AK9: variants seen among roughly 807,000 people sequenced by gnomAD.
AK9 encodes adenylate kinase 9.
A neutral mutation model predicts 239.6 loss-of-function variants in AK9; 191 were observed. That is an observed-to-expected ratio of 0.80 (90% CI 0.71 to 0.90). The LOEUF (loss-of-function observed/expected upper bound fraction) is 0.90. Ranked by LOEUF, AK9 falls within the 40% of genes least tolerant of loss-of-function variation. The pLI, the probability that AK9 is intolerant of heterozygous loss-of-function variation, is 0.00. For synonymous variants in AK9, 689 were observed against 721.0 expected (o/e 0.96, Z 0.71); for missense variants, 1,995 against 2,214.7 (o/e 0.90, Z 1.99).
At chr6:109,528,405 A>G (rs1780783811) in intron 29 of AK9, 1 of 375,302 alleles carries the variant, frequency 2.7e-6, no homozygotes, top group Non-Finnish European at 5.3e-6. Context: ...TGTCAGACAC[A>G]AAGCTCAATT....
chr6:109,537,836 T>G (rs1428907188), intron 27 of AK9, among the ~76,000 whole-genome samples: 2 of 152,120 alleles, frequency 1.3e-5, no homozygotes, highest in African/African-American at 4.8e-5. Flanking sequence ...AAGAACATCT[T>G]TATTTCTGCT....
At chr6:109,673,988 A>G (rs1230039087) in intron 3 of AK9, among the ~76,000 whole-genome samples, 2 of 151,692 alleles carry the variant, frequency 1.3e-5, no homozygotes, top group Non-Finnish European at 2.9e-5. Context: ...AAAAATAATA[A>G]TTAATTAAAT....
intron 8 of AK9, among the ~76,000 whole-genome samples, chr6:109,650,237 A>G (rs76748245): frequency 0.58 from 87,123 of 150,224 alleles, 26,963 homozygotes; most frequent in South Asian, 0.84. Context: ...TGACAAATGG[A>G]ATCTAATTAA....
At chr6:109,510,878 G>C (rs575471834) in intron 32 of AK9, among the ~76,000 whole-genome samples, 236 of 152,202 alleles carry the variant, frequency 1.6e-3, no homozygotes, top group Non-Finnish European at 2.7e-3. Flanking sequence ...AAATTTATCA[G>C]TTCACCTTAG....
chr6:109,518,937 T>C (rs957340845), intron 29 of AK9, among the ~76,000 whole-genome samples: 5 of 152,102 alleles, frequency 3.3e-5, no homozygotes, highest in Admixed American at 6.6e-5. Flanking sequence ...TAGTACTCAA[T>C]AGTTATTTTT....
chr6:109,533,530 T>C, intron 27 of AK9, 60 bp from the exon 28 acceptor site: 1 of 1,346,628 alleles, frequency 7.4e-7, no homozygotes, highest in South Asian at 1.5e-5. Flanking sequence ...GATGTGTTCA[T>C]TAATTTGACT....
In AK9 at chr6:109,672,159, T is replaced by C. The variant is rs1771014686; in HGVS notation, c.190A>G (p.Ile64Val). 1.9e-6 allele frequency: 3 copies of C among 1,612,362 alleles called. No individual in the cohort carries two copies. The highest frequency in any genetic ancestry group is 1.3e-5 in the African/African-American group (1 of 74,998). Residue 64 changes from isoleucine to valine, a missense_variant, in exon 4 of 41, where the codon ATT (isoleucine) becomes GTT (valine). This residue lies in a region of AK9 where 252 missense variants were observed against 246.4 expected (regional missense o/e 1.02). Transcript: ENST00000424296. Reference sequence around the variant, plus strand: ...TCAGCAGCAATCTGTTCTTCTAAAATTGGCAAAGCTAAAACATGAATTCAA... The same window carrying C: ...TCAGCAGCAATCTGTTCTTCTAAAACTGGCAAAGCTAAAACATGAATTCAA... The part of the protein sequence containing the change: ...WKCIRVEALP[I>V]LEEQIAAETE...
chr6:109,574,110 G>A (rs1787771288), intron 20 of AK9, among the ~76,000 whole-genome samples: 1 of 152,022 alleles, frequency 6.6e-6, no homozygotes, highest in East Asian at 1.9e-4. Flanking sequence ...TGTTTCTAAT[G>A]GGTAGCACCA....
At chr6:109,526,580 T>C (rs1582842582) in intron 29 of AK9, among the ~76,000 whole-genome samples, 1 of 152,062 alleles carries the variant, frequency 6.6e-6, no homozygotes, top group South Asian at 2.1e-4. Context: ...GATGGATTTT[T>C]TTATGATTAG....
At chr6:109,504,004 A>G (rs1424783227) in intron 35 of AK9, among the ~76,000 whole-genome samples, 1 of 152,124 alleles carries the variant, frequency 6.6e-6, no homozygotes, top group African/African-American at 2.4e-5. Context: ...CCTCTGCCCA[A>G]TTTGACCATC....
At chr6:109,576,094 G>A (rs552612285) in intron 20 of AK9, among the ~76,000 whole-genome samples, 1 of 152,222 alleles carries the variant, frequency 6.6e-6, no homozygotes, top group South Asian at 2.1e-4. Flanking sequence ...ATAGTTTGAA[G>A]TTGGGTAATG....
At chr6:109,497,994 T>C (rs775748286) in intron 36 of AK9, 29 bp from the exon 37 acceptor site, 10 of 1,610,246 alleles carry the variant, frequency 6.2e-6, no homozygotes, top group Non-Finnish European at 8.5e-6. Flanking sequence ...AGTAGCAACA[T>C]GATTTAAACC....
chr6:109,560,782 T>G (rs533192069), intron 24 of AK9, among the ~76,000 whole-genome samples: 1 of 152,298 alleles, frequency 6.6e-6, no homozygotes, highest in South Asian at 2.1e-4. Flanking sequence ...GCTGATCTCA[T>G]AGAATGACTA....
chr6:109,533,633 AT>A (rs1690979933), intron 27 of AK9, among the ~76,000 whole-genome samples, 163 bp from the exon 28 acceptor site: 1 of 152,212 alleles, frequency 6.6e-6, no homozygotes, highest in African/African-American at 2.4e-5. Context: ...AAAGAAAAAA[AT>A]ACAGTAAAAA....
intron 35 of AK9, among the ~76,000 whole-genome samples, chr6:109,500,687 A>T (rs12197180): frequency 0.37 from 56,935 of 152,020 alleles, 10,703 homozygotes; most frequent in South Asian, 0.44. Context: ...TGGGGCCAGA[A>T]ATGTTGGATA....
At chr6:109,611,825 A>C (rs1216487900) in intron 16 of AK9, among the ~76,000 whole-genome samples, 185 bp downstream of exon 16, 1 of 152,176 alleles carries the variant, frequency 6.6e-6, no homozygotes, top group Non-Finnish European at 1.5e-5. Context: ...ATCAAGTATT[A>C]GTTTTTCAGT....
chr6:109,511,331 A>G (rs1419583508), intron 32 of AK9, among the ~76,000 whole-genome samples: 1 of 152,224 alleles, frequency 6.6e-6, no homozygotes, highest in Admixed American at 6.5e-5. Context: ...TTTAAAATGT[A>G]TAATGGCACA....
chr6:109,619,821 C>T (rs1348312012), intron 12 of AK9, among the ~76,000 whole-genome samples: 1 of 152,052 alleles, frequency 6.6e-6, no homozygotes, highest in Non-Finnish European at 1.5e-5. Context: ...TTACTCCTTC[C>T]CCAGCTTTCA....
intron 36 of AK9, 90 bp from the exon 37 acceptor site, chr6:109,498,055 C>T: frequency 3.2e-6 from 4 of 1,268,326 alleles, no homozygotes; most frequent in Non-Finnish European, 4.5e-6. Context: ...GCACCCTCCC[C>T]ATTTTCAGTA....
Sources: gnomAD v4.1 joint callset for allele counts (sites outside exome capture counted in the v4.1 genomes callset) on GRCh38, gnomAD v4.1.1 for gene constraint, gnomAD v4.1.1 regional missense constraint, MANE v1.5 for transcripts, NCBI Gene and HGNC (gene_info 2026-07-23, HGNC 2026-07-21) for gene names.